Variants in NCKAP5 observed in about 807,000 individuals in gnomAD.
NCKAP5 encodes the protein NCK associated protein 5, also known as nck-associated protein 5.
Under a neutral mutation model 167.0 loss-of-function variants are expected in NCKAP5, and 92 were observed. The observed-to-expected ratio is 0.55, with a 90% CI of 0.47 to 0.66. NCKAP5 has a LOEUF of 0.66. Among genes scored for constraint, NCKAP5 ranks in the 30% least tolerant of loss-of-function variants. The probability of loss-of-function intolerance (pLI) is 0.00; values close to 1 mark genes in which losing one functional copy is unlikely to be tolerated. For missense variants in NCKAP5, 2,378 were observed against 2,315.0 expected (o/e 1.03, Z -0.56); for synonymous variants, 891 against 877.4 (o/e 1.02, Z -0.27).
At chr2:133,150,188 T>A (rs955128470) in intron 5 of NCKAP5, among the ~76,000 whole-genome samples, 6 of 152,194 alleles carry the variant, frequency 3.9e-5, no homozygotes, top group Non-Finnish European at 7.3e-5. Flanking sequence ...ATTCATAATT[T>A]TTAAATTGTA....
intron 8 of NCKAP5, among the ~76,000 whole-genome samples, chr2:132,898,350 A>G (rs1370768178): frequency 6.6e-6 from 1 of 152,186 alleles, no homozygotes; most frequent in Non-Finnish European, 1.5e-5. Flanking sequence ...TACTTCCTCC[A>G]CTAAAGGCTT....
intron 3 of NCKAP5, among the ~76,000 whole-genome samples, chr2:133,513,272 G>T (rs920899276): frequency 6.6e-6 from 1 of 152,204 alleles, no homozygotes; most frequent in Non-Finnish European, 1.5e-5. Flanking sequence ...CTGGAGTTCT[G>T]GGGAGAGGGT....
chr2:132,690,526 G>A (rs547317685), intron 19 of NCKAP5, among the ~76,000 whole-genome samples: 1 of 152,308 alleles, frequency 6.6e-6, no homozygotes, highest in East Asian at 1.9e-4. Context: ...ATATGCCCTA[G>A]GAACTCAGCT....
At chr2:133,494,671 C>T (rs1032437525) in intron 3 of NCKAP5, among the ~76,000 whole-genome samples, 1 of 152,122 alleles carries the variant, frequency 6.6e-6, no homozygotes. Context: ...AACTAACCAG[C>T]CTTAACATTA....
chr2:133,357,181 T>C (rs780401737), intron 3 of NCKAP5, among the ~76,000 whole-genome samples: 14 of 152,020 alleles, frequency 9.2e-5, no homozygotes, highest in Non-Finnish European at 2.1e-4. Context: ...AATAATAAAT[T>C]AATGCATGCT....
chr2:133,020,330 T>C (rs1219239463), intron 6 of NCKAP5, among the ~76,000 whole-genome samples: 1 of 152,232 alleles, frequency 6.6e-6, no homozygotes, highest in Non-Finnish European at 1.5e-5. Flanking sequence ...TTTGAAAAGC[T>C]GAGTCCTATG....
At chr2:132,878,638 A>ACG (rs1558891217) in intron 9 of NCKAP5, among the ~76,000 whole-genome samples, 19 of 122,030 alleles carry the variant, frequency 1.6e-4, no homozygotes, top group African/African-American at 5.4e-4. Context: ...ACACACACAC[A>ACG]CACACACACA....
chr2:132,673,094 AAG>A lies in NCKAP5; in HGVS notation c.*193_*194del. On this transcript the variant is annotated 3_prime_UTR_variant, in exon 20 of 20. Transcript: ENST00000409261. The stretch of plus-strand genomic sequence containing the variant: ...ATATAAAGAATCACTCAAAGATTCC[AAG>A]TTGTCTACCCCAGGCCTATCTGAAC... 8.1e-7 allele frequency: 1 copy of A among 1,234,828 alleles called. No individual in the cohort carries two copies. Among genetic ancestry groups the A allele is most frequent in the Non-Finnish European group, 1.0e-6 (1 of 988,484 alleles). The allele number at this position is 1,234,828 out of a possible 1,614,324, so 76.5% of individuals were successfully genotyped here.
At chr2:133,617,349 G>C in the NCKAP5 span, among the ~76,000 whole-genome samples, 3 of 151,724 alleles carry the variant, frequency 2.0e-5, no homozygotes, top group Non-Finnish European at 4.4e-5. Context: ...ATTAGGAAAA[G>C]AGGAAGTCAA....
chr2:133,449,181 T>C (rs1205961135), intron 3 of NCKAP5, among the ~76,000 whole-genome samples: 1 of 152,158 alleles, frequency 6.6e-6, no homozygotes, highest in Non-Finnish European at 1.5e-5. Flanking sequence ...CTGTTGCCTA[T>C]TGTAGAGTAG....
chr2:132,947,433 GTAT>G (rs1405934691), intron 8 of NCKAP5, among the ~76,000 whole-genome samples: 5 of 152,148 alleles, frequency 3.3e-5, no homozygotes, highest in Admixed American at 3.3e-4. Flanking sequence ...TGGTTTATCA[GTAT>G]TAATAATAAA....
chr2:133,527,686 T>G (rs1017366), intron 2 of NCKAP5, among the ~76,000 whole-genome samples: 13,332 of 152,208 alleles, frequency 0.088, 978 homozygotes, highest in African/African-American at 0.2. Flanking sequence ...ATCTCTAAGA[T>G]GTTTATCTTT....
At chr2:133,562,206 T>C (rs1377179183) in intron 1 of NCKAP5, among the ~76,000 whole-genome samples, 1 of 151,998 alleles carries the variant, frequency 6.6e-6, no homozygotes, top group African/African-American at 2.4e-5. Flanking sequence ...TAAGATTTTA[T>C]ATAAATATAC....
At chr2:132,682,314 T>A (rs978701479) in intron 19 of NCKAP5, among the ~76,000 whole-genome samples, 9 of 152,148 alleles carry the variant, frequency 5.9e-5, no homozygotes, top group Admixed American at 5.9e-4. Flanking sequence ...CATCCCTTGC[T>A]CTACCACAAT....
rs1553443905 is a variant in NCKAP5, at chr2:132,794,307, G to GGGT, written c.909+2318_909+2320dup. Among the ~76,000 whole-genome samples the GGGT allele has an allele frequency of 1.7e-3, 177 of 101,150 alleles. 5 individuals are homozygous for GGGT. In the Middle Eastern group the frequency reaches 0.027, roughly 16 times the overall value. 66.4% of individuals were successfully genotyped at this position (101,150 alleles called of 152,430 possible). On this transcript the variant is annotated intron_variant, in intron 12 of 19. Transcript: ENST00000409261. ...AGAGAGAGAGAGAGAGAGAGAGAGA[G>GGGT]GGTGGCGGGAAGAGAGAGAGAAAGA...
At chr2:133,353,089 A>G (rs1465635570) in intron 3 of NCKAP5, among the ~76,000 whole-genome samples, 3 of 152,218 alleles carry the variant, frequency 2.0e-5, no homozygotes, top group Non-Finnish European at 4.4e-5. Flanking sequence ...TGGACTGAGT[A>G]GTGGTCACTA....
At chr2:133,200,449 C>G (rs1020289741) in intron 5 of NCKAP5, among the ~76,000 whole-genome samples, 1 of 151,978 alleles carries the variant, frequency 6.6e-6, no homozygotes, top group Non-Finnish European at 1.5e-5. Flanking sequence ...GGACCCATTC[C>G]TTAAGCCACA....
At chr2:133,499,840 G>A (rs1403226683) in intron 3 of NCKAP5, among the ~76,000 whole-genome samples, 4 of 152,192 alleles carry the variant, frequency 2.6e-5, no homozygotes, top group African/African-American at 9.7e-5. Flanking sequence ...TTACAGGCGT[G>A]AGCCACCGCG....
chr2:133,367,127 C>G (rs72989630), intron 3 of NCKAP5, among the ~76,000 whole-genome samples: 5,597 of 152,244 alleles, frequency 0.037, 323 homozygotes, highest in African/African-American at 0.13. Context: ...AAAACCAGAA[C>G]AAAACAACAG....
Sources: allele counts gnomAD v4.1 joint callset (sites outside exome capture counted in the v4.1 genomes callset), GRCh38; gene constraint gnomAD v4.1.1; transcripts MANE v1.5; gene names NCBI Gene and HGNC (gene_info 2026-07-23, HGNC 2026-07-21).